The following PLXNC1 variants were observed in gnomAD, a reference collection of about 807,000 sequenced individuals.
PLXNC1 encodes the protein plexin-C1.
Under a neutral mutation model 178.2 loss-of-function variants are expected in PLXNC1, and 75 were observed. That is an observed-to-expected ratio of 0.42 (90% confidence interval 0.35 to 0.51). The LOEUF (loss-of-function observed/expected upper bound fraction) is 0.51, where lower values mean the gene tolerates loss of function less well. Ranked by LOEUF, PLXNC1 falls within the 20% of genes least tolerant of loss-of-function variation. PLXNC1 has a pLI of 0.02. For missense variants in PLXNC1, 1,503 were observed against 1,984.4 expected (o/e 0.76, Z 4.61); for synonymous variants, 790 against 779.9 (o/e 1.01, Z -0.22).
At chr12:94,150,475 C>G (rs1960917618) in intron 1 of PLXNC1, among the ~76,000 whole-genome samples, 1 of 152,224 alleles carries the variant, frequency 6.6e-6, no homozygotes. Flanking sequence ...ACAGTGCCCT[C>G]GGCAGAGAAG....
At chr12:94,273,073 C>T (rs1965680834) in intron 21 of PLXNC1, among the ~76,000 whole-genome samples, 1 of 152,316 alleles carries the variant, frequency 6.6e-6, no homozygotes, top group African/African-American at 2.4e-5. Flanking sequence ...TCTCTGGTCT[C>T]GGTTTCCTCA....
At chr12:94,212,669 G>C (rs1355797893) in intron 5 of PLXNC1, among the ~76,000 whole-genome samples, 2 of 151,610 alleles carry the variant, frequency 1.3e-5, no homozygotes, top group Non-Finnish European at 2.9e-5. Flanking sequence ...CTTTTTTATG[G>C]CTGCATAGTA....
rs747712207 is a variant in PLXNC1 at position 94,254,772 on chromosome 12, A to T, written c.2882-15A>T. 3.2e-6 allele frequency: 5 copies of T among 1,569,036 alleles called. No individual in the cohort carries two copies. The South Asian group carries it at 6.0e-5, about 19-fold the overall frequency. ...AGTTACCATGTCCCTCTGATGCAGC[A>T]TCTCTGTCTCTTAGCGGCCGTGGGG... On this transcript the variant is annotated splice_polypyrimidine_tract_variant and intron_variant, in intron 15 of 30. Coordinates refer to ENST00000258526, the MANE Select transcript of PLXNC1 (RefSeq NM_005761.3).
intron 2 of PLXNC1, among the ~76,000 whole-genome samples, chr12:94,170,421 G>A (rs907359450): frequency 2.6e-5 from 4 of 152,010 alleles, no homozygotes; most frequent in Non-Finnish European, 5.9e-5. Flanking sequence ...TGCTCACACT[G>A]TACCTCCAGC....
chr12:94,201,082 C>A (rs1184815885), intron 4 of PLXNC1, among the ~76,000 whole-genome samples: 1 of 152,106 alleles, frequency 6.6e-6, no homozygotes, highest in Non-Finnish European at 1.5e-5. Context: ...CTGGGGGAAA[C>A]AAAGATGAAT....
chr12:94,282,414 C>T lies in PLXNC1; in HGVS notation c.3879+13C>T. 1 of 1,543,240 alleles carries T rather than the reference C, an allele frequency of 6.5e-7. No homozygotes were observed. ...TGGCCACTATGAGGTAAGAGCAAGA[C>T]TTGACCCCGTGTCTCCTTCCTCATC... On this transcript the variant is annotated intron_variant, in intron 23 of 30. Transcript: ENST00000258526.
chr12:94,150,075 G>A, intron 1 of PLXNC1, 42 bp downstream of exon 1: 3 of 1,465,118 alleles, frequency 2.0e-6, no homozygotes, highest in Non-Finnish European at 2.7e-6. Flanking sequence ...CGCTGCTGCC[G>A]GGGAGCCGCC....
Position 94,149,574 on chromosome 12 carries a change from C to A in PLXNC1, c.603C>A (p.His201Gln). ...ASRCNPAASD[H>Q]DTAIALKDTE... is the part of the protein sequence containing the mutation. ...GCTGCAACCCCGCGGCATCCGACCACGACACGGCCATCGCGCTCAAGGACA... is the reference window on the plus strand; with the variant it reads ...GCTGCAACCCCGCGGCATCCGACCAAGACACGGCCATCGCGCTCAAGGACA... Residue 201 changes from histidine (H) to glutamine (Q), a missense_variant, in exon 1 of 31, where the codon CAC (histidine) becomes CAA (glutamine). Transcript: ENST00000258526. 1 of 1,565,878 alleles carries A rather than the reference C, an allele frequency of 6.4e-7. No homozygotes were observed. Among genetic ancestry groups the A allele is most frequent in the Non-Finnish European group, 8.6e-7 (1 of 1,159,190 alleles).
chr12:94,188,508 G>C (rs1439583215), intron 4 of PLXNC1, among the ~76,000 whole-genome samples: 1 of 152,038 alleles, frequency 6.6e-6, no homozygotes, highest in Non-Finnish European at 1.5e-5. Flanking sequence ...ATTTTTAGTA[G>C]AGATGGGGTT....
At chr12:94,182,865 A>ATCTG (rs889003624) in intron 3 of PLXNC1, among the ~76,000 whole-genome samples, 3 of 138,376 alleles carry the variant, frequency 2.2e-5, no homozygotes, top group African/African-American at 6.1e-5. Flanking sequence ...ATCTGTATCT[A>ATCTG]TCTATCTATC....
intron 20 of PLXNC1, among the ~76,000 whole-genome samples, chr12:94,264,272 C>G (rs947151088): frequency 4.6e-5 from 7 of 152,108 alleles, no homozygotes; most frequent in Non-Finnish European, 7.3e-5. Flanking sequence ...TCCGTGTCTG[C>G]GAATGTGAGC....
At chr12:94,253,680 C>CTTTT (rs60523235) in intron 15 of PLXNC1, among the ~76,000 whole-genome samples, 3 of 148,554 alleles carry the variant, frequency 2.0e-5, no homozygotes, top group Non-Finnish European at 4.5e-5. Flanking sequence ...TATGTAATTT[C>CTTTT]TTTTTTTTTT....
In PLXNC1 at chr12:94,306,065, G is replaced by GACATGTTGGATATTATACAAAA. The variant is rs1484767848; in HGVS notation, c.*782_*803dup. 3.3e-5 allele frequency: 5 copies of GACATGTTGGATATTATACAAAA among 151,958 alleles called. No individual in the cohort carries two copies. Among genetic ancestry groups the GACATGTTGGATATTATACAAAA allele is most frequent in the African/African-American group, 1.2e-4 (5 of 41,368 alleles). 9.4% of individuals were successfully genotyped at this position (151,958 alleles called of 1,614,324 possible). On this transcript the variant is annotated 3_prime_UTR_variant, in exon 31 of 31. Transcript: ENST00000258526. ...TTCATACTAAATGTATTTGATAGTG[G>GACATGTTGGATATTATACAAAA]ACATGTTGGATATTATACAAAAAAA...
At chr12:94,292,291 T>C (rs1967416992) in intron 23 of PLXNC1, among the ~76,000 whole-genome samples, 3 of 152,126 alleles carry the variant, frequency 2.0e-5, no homozygotes, top group African/African-American at 7.2e-5. Context: ...TGGATGAAGA[T>C]GGGGTGGTCA....
intron 5 of PLXNC1, 87 bp from the exon 6 acceptor site, chr12:94,219,929 G>A: frequency 2.4e-6 from 3 of 1,224,780 alleles, no homozygotes; most frequent in Non-Finnish European, 3.4e-6. Context: ...TCCTGTGGCA[G>A]GTCAAAGGGT....
rs375061226 is a variant in PLXNC1, at chr12:94,289,203, G to C, written c.3880-5283G>C. 1.4e-4 allele frequency among the ~76,000 whole-genome samples: 21 copies of C among 152,062 alleles called. 1 individual carries two copies. The highest frequency in any genetic ancestry group is 7.7e-4 in the East Asian group (4 of 5,192). On this transcript the variant is annotated intron_variant, in intron 23 of 30. Transcript: ENST00000258526. ...GTGGTTTGGAGGATGTGTAGCTCCT[G>C]TTTATTTTGGAAATGACTTAAAGTT... is the stretch of plus-strand genomic sequence containing the variant.
chr12:94,160,196 G>C (rs1296732075), intron 1 of PLXNC1, among the ~76,000 whole-genome samples: 1 of 152,102 alleles, frequency 6.6e-6, no homozygotes, highest in African/African-American at 2.4e-5. Flanking sequence ...AGCCAGGTCT[G>C]GCTCATCTTT....
At chr12:94,181,142 G>A (rs1456429816) in intron 2 of PLXNC1, among the ~76,000 whole-genome samples, 2 of 152,050 alleles carry the variant, frequency 1.3e-5, no homozygotes, top group African/African-American at 2.4e-5. Flanking sequence ...GCTCACACCT[G>A]TTACCCCAGC....
At chr12:94,225,135 G>A (rs1474912491) in intron 7 of PLXNC1, among the ~76,000 whole-genome samples, 1 of 152,150 alleles carries the variant, frequency 6.6e-6, no homozygotes, top group Non-Finnish European at 1.5e-5. Context: ...TGCTTCTAAA[G>A]CAGCAAGAGG....
Sources: allele counts gnomAD v4.1 joint callset (sites outside exome capture counted in the v4.1 genomes callset), GRCh38; gene constraint gnomAD v4.1.1; transcripts MANE v1.5; gene names NCBI Gene and HGNC (gene_info 2026-07-23, HGNC 2026-07-21).